Variants in RAD54L2 observed in about 807,000 individuals in gnomAD.
RAD54L2 encodes the protein helicase ARIP4.
A neutral mutation model predicts 138.4 loss-of-function variants in RAD54L2; 27 were observed. The ratio of observed to expected loss-of-function variants is 0.20; its 90% CI spans 0.14 to 0.27. The LOEUF is 0.27. Among genes scored for constraint, RAD54L2 ranks in the 10% least tolerant of loss-of-function variants. RAD54L2 has a pLI of 1.00. For synonymous variants in RAD54L2, 644 were observed against 723.2 expected, an observed-to-expected ratio of 0.89 and a Z score of 1.76; for missense variants, 1,396 against 1,890.2, an observed-to-expected ratio of 0.74 and a Z score of 4.85.
chr3:51,582,759 G>A (rs1036657620), intron 2 of RAD54L2, among the ~76,000 whole-genome samples: 5 of 145,790 alleles, frequency 3.4e-5, no homozygotes, highest in Admixed American at 1.5e-4. Context: ...GTCTAAGCCA[G>A]GGAAGTCTTT....
chr3:51,657,257 GA>G (rs1254161385), intron 20 of RAD54L2, among the ~76,000 whole-genome samples: 2 of 151,884 alleles, frequency 1.3e-5, no homozygotes, highest in Non-Finnish European at 2.9e-5. Context: ...TGGGGAAGAG[GA>G]AAAAAATGCA....
At chr3:51,642,822 A>G (rs1701173896) in intron 15 of RAD54L2, among the ~76,000 whole-genome samples, 1 of 152,116 alleles carries the variant, frequency 6.6e-6, no homozygotes, top group Non-Finnish European at 1.5e-5. Context: ...CCTATGAATC[A>G]GTGGTGAGCT....
At chr3:51,573,070 G>A (rs1287724135) in intron 2 of RAD54L2, among the ~76,000 whole-genome samples, 1 of 152,148 alleles carries the variant, frequency 6.6e-6, no homozygotes, top group Non-Finnish European at 1.5e-5. Context: ...TGTCCATAAA[G>A]TAATGGTGAA....
Position 51,664,650 on chromosome 3 carries a change from T to C in RAD54L2, c.*1230T>C, listed in dbSNP as rs1266850140. On this transcript the variant is annotated 3_prime_UTR_variant, in exon 23 of 23. Coordinates refer to ENST00000684192, the MANE Select transcript of RAD54L2 (RefSeq NM_015106.4). ...CTGGTGAAAAACAATCCTGGATGGA[T>C]GGTAAATTGACCAGGGGAAGAGTTA... 1 of 152,178 alleles carries C rather than the reference T, an allele frequency of 6.6e-6. No homozygotes were observed. The highest frequency in any genetic ancestry group is 1.5e-5 in the Non-Finnish European group (1 of 68,032). The allele number at this position is 152,178 out of a possible 1,614,324, so 9.4% of individuals were successfully genotyped here.
chr3:51,564,742 C>T (rs953560221), intron 2 of RAD54L2, among the ~76,000 whole-genome samples: 4 of 152,036 alleles, frequency 2.6e-5, no homozygotes, highest in Non-Finnish European at 5.9e-5. Context: ...GATGGTGAAA[C>T]CACATCTCTG....
intron 3 of RAD54L2, among the ~76,000 whole-genome samples, chr3:51,605,243 C>T (rs1700154151): frequency 6.6e-6 from 1 of 151,944 alleles, no homozygotes; most frequent in South Asian, 2.1e-4. Context: ...ACCCCCACCA[C>T]CATGCCCAGC....
intron 2 of RAD54L2, among the ~76,000 whole-genome samples, chr3:51,545,005 C>T (rs1310428281): frequency 2.6e-5 from 4 of 152,136 alleles, no homozygotes; most frequent in African/African-American, 9.7e-5. Context: ...CAGGAAATAA[C>T]GATTATTTGA....
chr3:51,632,223 C>T (rs1477389201), intron 7 of RAD54L2, among the ~76,000 whole-genome samples: 1 of 152,222 alleles, frequency 6.6e-6, no homozygotes, highest in Admixed American at 6.5e-5. Flanking sequence ...TCCTTTCTTC[C>T]ACTGATAGAC....
rs1577448796 is a variant in RAD54L2, at chr3:51,638,406, A to G, written c.1860+85A>G. On this transcript the variant is annotated intron_variant, in intron 12 of 22. Transcript: ENST00000684192. This position sits in a 1 kb window ranked among gnomAD's most constrained non-coding sequence, Gnocchi z 4.3. ...GAGTTACTCCTACTGAGAGTCTTCA[A>G]TAAAGGGAGAATAAAGTGAGAGGGG... 2.0e-6 allele frequency: 3 copies of G among 1,509,072 alleles called. No homozygotes were observed. Among genetic ancestry groups the G allele is most frequent in the African/African-American group, 1.4e-5 (1 of 72,720 alleles). 93.5% of individuals were successfully genotyped at this position (1,509,072 alleles called of 1,614,324 possible). A position where few individuals can be genotyped will look rare whatever the true frequency, so the allele number is the denominator to read the frequency against.
chr3:51,545,344 A>G (rs1356733458), intron 2 of RAD54L2, among the ~76,000 whole-genome samples: 3 of 152,082 alleles, frequency 2.0e-5, no homozygotes, highest in Admixed American at 2.0e-4. Flanking sequence ...GGCGCGTGCC[A>G]CCACGCCTGG....
At position 51,667,200 on chromosome 3, in the gene RAD54L2, C is replaced by T. The variant is rs913189535; in HGVS notation, c.*3780C>T. 6.7e-6 allele frequency: 1 copy of T among 150,016 alleles called. No homozygotes were observed. The highest frequency in any genetic ancestry group is 1.5e-5 in the Non-Finnish European group (1 of 67,798). 9.3% of individuals were successfully genotyped at this position (150,016 alleles called of 1,614,324 possible). ...TTTTTTTTTGAGACAGAGTCTTGCT[C>T]TGTCACCCAGGCTTGAGTGCAATGG... On this transcript the variant is annotated 3_prime_UTR_variant, in exon 23 of 23. Transcript: ENST00000684192.
intron 2 of RAD54L2, among the ~76,000 whole-genome samples, chr3:51,583,429 A>C (rs73078696): frequency 0.025 from 3,534 of 143,478 alleles, 56 homozygotes; most frequent in Non-Finnish European, 0.038. Flanking sequence ...CTTTTTTTTT[A>C]TTTTTTTTTT....
At chr3:51,655,946 T>C (rs765079055) in intron 19 of RAD54L2, 25 bp from the exon 20 acceptor site, 9 of 1,574,714 alleles carry the variant, frequency 5.7e-6, no homozygotes, top group Non-Finnish European at 6.1e-6. Context: ...CAAACTCTTT[T>C]AGTGTCCTTG....
Position 51,662,799 on chromosome 3 carries a change from A to G in RAD54L2, c.3783A>G (p.Pro1261=). ...LRGHKRKLAT[P]PAAQESSRRR... ...GCCACAAGCGAAAGTTGGCCACACCACCTGCTGCCCAGGAGTCATCCCGCC... is the reference window on the plus strand; with the variant it reads ...GCCACAAGCGAAAGTTGGCCACACCGCCTGCTGCCCAGGAGTCATCCCGCC... The change falls in exon 23 of 23, where the codon CCA becomes CCG. Residue 1261 remains proline (P), a synonymous_variant. Coordinates refer to ENST00000684192, the MANE Select transcript of RAD54L2 (RefSeq NM_015106.4). This position sits in a 1 kb window ranked among gnomAD's most constrained non-coding sequence, Gnocchi z 4.6. 1 of 1,610,390 alleles carries G rather than the reference A, an allele frequency of 6.2e-7. No individual in the cohort carries two copies. Among genetic ancestry groups the G allele is most frequent in the Non-Finnish European group, 8.5e-7 (1 of 1,178,418 alleles).
chr3:51,593,660 T>G (rs1202414487), intron 3 of RAD54L2, among the ~76,000 whole-genome samples: 3 of 152,216 alleles, frequency 2.0e-5, no homozygotes, highest in African/African-American at 7.2e-5. Flanking sequence ...TGAAGTTTCA[T>G]CTCTACTGGA....
intron 3 of RAD54L2, among the ~76,000 whole-genome samples, chr3:51,604,849 C>T (rs1700145620): frequency 6.6e-6 from 1 of 152,200 alleles, no homozygotes; most frequent in Non-Finnish European, 1.5e-5. Context: ...GTTGTTCTGC[C>T]AACCCTCCTG....
intron 2 of RAD54L2, among the ~76,000 whole-genome samples, chr3:51,556,237 A>G (rs1447861013): frequency 1.3e-5 from 2 of 151,684 alleles, no homozygotes; most frequent in Non-Finnish European, 2.9e-5. Flanking sequence ...TCATCCTCTC[A>G]TTAAGTTTTA....
At chr3:51,625,428 A>G (rs1406941271) in intron 3 of RAD54L2, among the ~76,000 whole-genome samples, 1 of 152,166 alleles carries the variant, frequency 6.6e-6, no homozygotes, top group African/African-American at 2.4e-5. Context: ...CAACCAATCA[A>G]TCAATAAATA....
intron 3 of RAD54L2, among the ~76,000 whole-genome samples, chr3:51,609,183 AT>A (rs1286995849): frequency 6.6e-6 from 1 of 152,094 alleles, no homozygotes; most frequent in African/African-American, 2.4e-5. Flanking sequence ...AGCCTGTTTT[AT>A]TTTTTAAATG....
Sources: gnomAD v4.1 joint callset for allele counts (sites outside exome capture counted in the v4.1 genomes callset) on GRCh38, gnomAD v4.1.1 for gene constraint, Gnocchi (gnomAD v3.1) non-coding constraint, MANE v1.5 for transcripts, NCBI Gene and HGNC (gene_info 2026-07-23, HGNC 2026-07-21) for gene names.